The following IQGAP2 variants were observed in gnomAD, a reference collection of about 807,000 sequenced individuals.
IQGAP2 encodes the protein ras GTPase-activating-like protein IQGAP2.
A neutral mutation model predicts 201.3 loss-of-function variants in IQGAP2; 173 were observed. The ratio of observed to expected loss-of-function variants is 0.86; its 90% CI spans 0.76 to 0.98. The LOEUF is 0.98. Ranked by LOEUF, IQGAP2 falls within the 50% of genes least tolerant of loss-of-function variation. The pLI, the probability that IQGAP2 is intolerant of heterozygous loss-of-function variation, is 0.00. For missense variants in IQGAP2, 1,687 were observed against 1,864.8 expected (o/e 0.90, Z 1.76); for synonymous variants, 675 against 673.9 (o/e 1.00, Z -0.03).
chr5:76,547,276 A>G (rs1743156356), intron 2 of IQGAP2: 1 of 168,454 alleles, frequency 5.9e-6, no homozygotes, highest in Admixed American at 6.5e-5. Flanking sequence ...AAGGAAGGAA[A>G]TTCATACTGG....
intron 1 of IQGAP2, among the ~76,000 whole-genome samples, chr5:76,445,465 CTT>C (rs33993084): frequency 1.1e-4 from 15 of 139,946 alleles, no homozygotes; most frequent in Admixed American, 7.2e-5. Context: ...CCGTTTTAAC[CTT>C]TTTTTTTTTT....
At chr5:76,663,251 G>A (rs995404078) in intron 21 of IQGAP2, among the ~76,000 whole-genome samples, 4 of 152,236 alleles carry the variant, frequency 2.6e-5, no homozygotes, top group African/African-American at 9.6e-5. Context: ...GGTAGTGCAT[G>A]CAGAGCAAAA....
chr5:76,535,547 G>A (rs1759572742), intron 2 of IQGAP2, among the ~76,000 whole-genome samples: 1 of 152,168 alleles, frequency 6.6e-6, no homozygotes, highest in African/African-American at 2.4e-5. Context: ...AGCATTCAAC[G>A]AACATGGGAC....
chr5:76,433,790 A>G (rs1752509579), intron 1 of IQGAP2, among the ~76,000 whole-genome samples: 1 of 152,224 alleles, frequency 6.6e-6, no homozygotes, highest in Admixed American at 6.5e-5. Flanking sequence ...ATTCAAATTC[A>G]GATTATTTTA....
Position 76,407,663 on chromosome 5 carries a change from TTTAA to T in IQGAP2, c.46+4076_46+4079del, listed in dbSNP as rs1450351338. 2.6e-5 allele frequency among the ~76,000 whole-genome samples: 4 copies of T among 152,250 alleles called. No homozygotes were observed. The East Asian group carries it at 7.7e-4, about 29-fold the overall frequency. ...AGTGTTATTTTAGTATGGTTTTAAC[TTTAA>T]TTACACATGCTGTTAGCCAGAATGA... On this transcript the variant is annotated intron_variant, in intron 1 of 35. Transcript: ENST00000274364.
chr5:76,707,811 A>G lies in IQGAP2; in HGVS notation c.*498A>G, dbSNP rs1187926405. 1 of 152,882 alleles carries G rather than the reference A, an allele frequency of 6.5e-6. No homozygotes were observed. The highest frequency in any genetic ancestry group is 1.5e-5 in the Non-Finnish European group (1 of 68,124). The allele number at this position is 152,882 out of a possible 1,614,324, so 9.5% of individuals were successfully genotyped here. A position where few individuals can be genotyped will look rare whatever the true frequency, so the allele number is the denominator to read the frequency against. ...TTAAAGAGAACTTTTGTGCAATTCAAATGAAGTTTTTATAAGTAATTGAAA... is the reference window on the plus strand; with the variant it reads ...TTAAAGAGAACTTTTGTGCAATTCAGATGAAGTTTTTATAAGTAATTGAAA... On this transcript the variant is annotated 3_prime_UTR_variant, in exon 36 of 36. Transcript: ENST00000274364.
chr5:76,663,191 G>A (rs1384662739), intron 21 of IQGAP2, among the ~76,000 whole-genome samples: 1 of 152,188 alleles, frequency 6.6e-6, no homozygotes, highest in East Asian at 1.9e-4. Flanking sequence ...AAATGACTAG[G>A]GGCCCCTGCT....
chr5:76,462,316 T>C (rs10077518), intron 2 of IQGAP2, among the ~76,000 whole-genome samples: 33,829 of 152,092 alleles, frequency 0.22, 4,097 homozygotes, highest in Middle Eastern at 0.31. Flanking sequence ...AGTCCCTAAG[T>C]AGGTTTATGA....
intron 1 of IQGAP2, among the ~76,000 whole-genome samples, chr5:76,432,886 TGGGG>T (rs1378980809): frequency 6.6e-6 from 1 of 152,206 alleles, no homozygotes; most frequent in Non-Finnish European, 1.5e-5. Context: ...GGATCACATA[TGGGG>T]CCCCTTGCCC....
At chr5:76,495,613 TAAAGA>T (rs2150160197) in intron 2 of IQGAP2, among the ~76,000 whole-genome samples, 1 of 152,240 alleles carries the variant, frequency 6.6e-6, no homozygotes, top group East Asian at 1.9e-4. Context: ...GAGTAATGTA[TAAAGA>T]AAAGAGGTCT....
rs144117017 is a variant in IQGAP2, at chr5:76,564,690, C to T, written c.303+2138C>T. Among the ~76,000 whole-genome samples the T allele has an allele frequency of 1.5e-4, 23 of 152,288 alleles. 1 individual carries two copies. Among genetic ancestry groups the T allele is most frequent in the African/African-American group, 5.3e-4 (22 of 41,552 alleles). ...GGATGGGGACAGGGGAAATAATATT[C>T]GCAATTTCTGGTTATGGAATAAAAT... On this transcript the variant is annotated intron_variant, in intron 3 of 35. Transcript: ENST00000274364.
At chr5:76,428,629 C>T (rs1347684747) in intron 1 of IQGAP2, among the ~76,000 whole-genome samples, 2 of 146,996 alleles carry the variant, frequency 1.4e-5, no homozygotes, top group South Asian at 2.5e-4. Flanking sequence ...GACGGGGTTT[C>T]ACCATGTTGG....
At chr5:76,549,927 A>G (rs965242611) in intron 2 of IQGAP2, among the ~76,000 whole-genome samples, 3 of 152,014 alleles carry the variant, frequency 2.0e-5, no homozygotes, top group African/African-American at 7.3e-5. Context: ...TGACCATAAC[A>G]CTCTGCCCTC....
At chr5:76,512,091 A>G (rs1758003249) in intron 2 of IQGAP2, among the ~76,000 whole-genome samples, 1 of 152,186 alleles carries the variant, frequency 6.6e-6, no homozygotes, top group South Asian at 2.1e-4. Context: ...ATGGATTCTA[A>G]TTCTTATTCT....
chr5:76,584,610 C>A (rs1264615906), intron 5 of IQGAP2, among the ~76,000 whole-genome samples: 1 of 151,778 alleles, frequency 6.6e-6, no homozygotes, highest in Non-Finnish European at 1.5e-5. Flanking sequence ...AGTGTAGATG[C>A]TGATAGCGGG....
intron 1 of IQGAP2, among the ~76,000 whole-genome samples, chr5:76,405,473 G>T (rs1750744954): frequency 1.3e-5 from 2 of 152,120 alleles, no homozygotes; most frequent in African/African-American, 4.8e-5. Flanking sequence ...CTGTCAAAAT[G>T]GAAAATATTT....
chr5:76,560,358 G>C (rs1183637170), intron 2 of IQGAP2, among the ~76,000 whole-genome samples: 1 of 146,094 alleles, frequency 6.8e-6, no homozygotes, highest in Non-Finnish European at 1.5e-5. Context: ...GGGCCTCACT[G>C]TGCTGCCCAG....
chr5:76,512,418 C>A (rs1758025190), intron 2 of IQGAP2, among the ~76,000 whole-genome samples: 1 of 152,204 alleles, frequency 6.6e-6, no homozygotes, highest in Non-Finnish European at 1.5e-5. Context: ...ACGTGCTAAC[C>A]TTTCTGCTTT....
At chr5:76,602,152 C>T (rs1747469928) in intron 11 of IQGAP2, among the ~76,000 whole-genome samples, 4 of 152,204 alleles carry the variant, frequency 2.6e-5, no homozygotes, top group African/African-American at 9.6e-5. Context: ...CCTGCAACCA[C>T]CCTCACTTAG....
Sources: gnomAD v4.1 joint callset for allele counts (sites outside exome capture counted in the v4.1 genomes callset) on GRCh38, gnomAD v4.1.1 for gene constraint, MANE v1.5 for transcripts, NCBI Gene and HGNC (gene_info 2026-07-23, HGNC 2026-07-21) for gene names.